ANO1: variants seen among roughly 807,000 people sequenced by gnomAD.
ANO1 encodes anoctamin-1.
Under a neutral mutation model 124.0 loss-of-function variants are expected in ANO1, and 59 were observed. The ratio of observed to expected loss-of-function variants is 0.48; its 90% CI spans 0.39 to 0.59. The LOEUF (loss-of-function observed/expected upper bound fraction) is 0.59. ANO1 is among the 20% of genes least tolerant of loss of function. The probability of loss-of-function intolerance (pLI) is 0.00; values close to 1 mark genes in which losing one functional copy is unlikely to be tolerated. For missense variants in ANO1, 1,059 were observed against 1,328.0 expected (o/e 0.80, Z 3.15); for synonymous variants, 529 against 532.0 (o/e 0.99, Z 0.08).
chr11:70,013,804 A>AAAAGAAAAGAAAAGAAAAG (rs1856645816), intron 1 of ANO1, among the ~76,000 whole-genome samples: 9 of 130,414 alleles, frequency 6.9e-5, no homozygotes, highest in African/African-American at 2.7e-4. Context: ...TCCATCTAAA[A>AAAAGAAAAGAAAAGAAAAG]AAAAGAAAAG....
chr11:70,001,985 A>C (rs762767221), intron 1 of ANO1, among the ~76,000 whole-genome samples: 10 of 152,050 alleles, frequency 6.6e-5, no homozygotes, highest in Non-Finnish European at 1.2e-4. Flanking sequence ...TTTAAATTAC[A>C]GCCATGTGCT....
intron 1 of ANO1, among the ~76,000 whole-genome samples, chr11:70,004,549 T>C (rs1554999799): frequency 6.6e-6 from 1 of 152,198 alleles, no homozygotes; most frequent in Admixed American, 6.5e-5. Flanking sequence ...TCCAGGCCAC[T>C]GTCAGATGGG....
intron 11 of ANO1, among the ~76,000 whole-genome samples, 162 bp downstream of exon 11, chr11:70,132,241 G>A (rs779237249): frequency 2.0e-5 from 3 of 152,172 alleles, no homozygotes; most frequent in Non-Finnish European, 4.4e-5. Flanking sequence ...TTGTGTTCAG[G>A]TTACTGGGGT....
chr11:70,078,954 G>T (rs932020153), intron 1 of ANO1, among the ~76,000 whole-genome samples: 1 of 151,954 alleles, frequency 6.6e-6, no homozygotes, highest in Non-Finnish European at 1.5e-5. Flanking sequence ...TCCGCCCAGC[G>T]CAGCGCCGGG....
chr11:69,966,065 C>CA, the ANO1 span, among the ~76,000 whole-genome samples: 81 of 151,016 alleles, frequency 5.4e-4, 1 homozygote, highest in Middle Eastern at 6.8e-3. Context: ...TGAGAATATC[C>CA]AAAAAAAAAG....
intron 1 of ANO1, among the ~76,000 whole-genome samples, chr11:70,003,821 A>C (rs1254004475): frequency 3.3e-5 from 5 of 152,148 alleles, no homozygotes; most frequent in African/African-American, 9.7e-5. Context: ...AACAGTGAAA[A>C]AGAAATGACC....
At chr11:70,140,083 C>T (rs1416802074) in intron 11 of ANO1, among the ~76,000 whole-genome samples, 1 of 152,234 alleles carries the variant, frequency 6.6e-6, no homozygotes, top group African/African-American at 2.4e-5. Flanking sequence ...AACCCCACAG[C>T]AGACCAAGGC....
chr11:69,978,676 T>C, the ANO1 span, among the ~76,000 whole-genome samples: 3 of 152,182 alleles, frequency 2.0e-5, no homozygotes, highest in African/African-American at 7.2e-5. Flanking sequence ...ATTGTCCTAT[T>C]TGTAAACTAA....
chr11:70,058,406 G>T (rs1248762427), intron 1 of ANO1, among the ~76,000 whole-genome samples: 1 of 152,208 alleles, frequency 6.6e-6, no homozygotes, highest in Non-Finnish European at 1.5e-5. Context: ...AGTAAGTCAA[G>T]GCCTTGGCGG....
Position 70,188,080 on chromosome 11 carries a change from C to G in ANO1, c.*76C>G, listed in dbSNP as rs1048500470. On this transcript the variant is annotated 3_prime_UTR_variant, in exon 26 of 26. Coordinates refer to ENST00000355303, the MANE Select transcript of ANO1 (RefSeq NM_018043.7). Reference sequence around the variant, plus strand: ...CCCTCTCCCAGGGCAGGCGGCTTCCCGCTCCCACCAGGGCCCGGTGGGTCC... The same window carrying G: ...CCCTCTCCCAGGGCAGGCGGCTTCCGGCTCCCACCAGGGCCCGGTGGGTCC... 5 of 1,486,710 alleles carry G rather than the reference C, an allele frequency of 3.4e-6. No individual in the cohort carries two copies. The highest frequency in any genetic ancestry group is 2.4e-4 in the Middle Eastern group (1 of 4,112). 92.1% of individuals were successfully genotyped at this position (1,486,710 alleles called of 1,614,324 possible). A position where few individuals can be genotyped will look rare whatever the true frequency, so the allele number is the denominator to read the frequency against.
chr11:70,006,323 C>T (rs1856481074), intron 1 of ANO1, among the ~76,000 whole-genome samples: 2 of 152,152 alleles, frequency 1.3e-5, no homozygotes, highest in African/African-American at 4.8e-5. Flanking sequence ...ACATTTTATC[C>T]CTCATGGCTT....
rs182387097 is a variant in ANO1, at chr11:70,130,607, A to T, written c.1098-1312A>T. Among the ~76,000 whole-genome samples, 5 of 152,302 alleles carry T rather than the reference A, an allele frequency of 3.3e-5. No individual in the cohort carries two copies. The East Asian group carries it at 9.6e-4, about 29-fold the overall frequency. On this transcript the variant is annotated intron_variant, in intron 10 of 25. Transcript: ENST00000355303. ...AGCCTGGAAGTATTAGTATTTTCTA[A>T]TATTAGTGGGAGTAAGTCAGTGCTG...
Position 70,153,763 on chromosome 11 carries a change from ATGTT to A in ANO1, c.1425+649_1425+652del, listed in dbSNP as rs778777274. On this transcript the variant is annotated intron_variant, in intron 14 of 25. Coordinates refer to ENST00000355303, the MANE Select transcript of ANO1 (RefSeq NM_018043.7). The stretch of plus-strand genomic sequence containing the variant: ...GTGCTTGCCGGCTTTGTTTGTTTGT[ATGTT>A]TGTTTGTTTGTTTTTTGAGACAGAG... 4.0e-4 allele frequency among the ~76,000 whole-genome samples: 60 copies of A among 151,552 alleles called. 1 individual carries two copies. Among genetic ancestry groups the A allele is most frequent in the Admixed American group, 3.0e-3 (45 of 15,238 alleles).
At chr11:70,013,685 C>A (rs185030388) in intron 1 of ANO1, among the ~76,000 whole-genome samples, 1 of 151,952 alleles carries the variant, frequency 6.6e-6, no homozygotes, top group Admixed American at 6.6e-5. Context: ...GCCTCAAGTC[C>A]CAGCTACTCA....
At chr11:70,149,038 C>G (rs1319991334) in intron 11 of ANO1, among the ~76,000 whole-genome samples, 1 of 152,130 alleles carries the variant, frequency 6.6e-6, no homozygotes, top group Non-Finnish European at 1.5e-5. Flanking sequence ...GCAGGCAGAC[C>G]CCTGGGGTGG....
At chr11:69,977,851 C>T in the ANO1 span, among the ~76,000 whole-genome samples, 3 of 152,232 alleles carry the variant, frequency 2.0e-5, no homozygotes, top group Admixed American at 6.5e-5. Flanking sequence ...TTAGCTTCTC[C>T]TTCTCAGATT....
intron 1 of ANO1, among the ~76,000 whole-genome samples, chr11:70,069,332 G>A (rs1857810212): frequency 6.6e-6 from 1 of 152,194 alleles, no homozygotes; most frequent in African/African-American, 2.4e-5. Context: ...CCATCAAACT[G>A]GAAGGAAACA....
intron 1 of ANO1, among the ~76,000 whole-genome samples, chr11:70,055,437 A>G (rs1857419064): frequency 6.6e-6 from 1 of 151,988 alleles, no homozygotes; most frequent in Admixed American, 6.6e-5. Flanking sequence ...TTTTATCTCT[A>G]GTAAAATTTC....
chr11:70,006,567 C>T lies in ANO1; in HGVS notation c.58+20401C>T, dbSNP rs1262098132. On this transcript the variant is annotated intron_variant, in intron 1 of 27. Transcript: ENST00000531349. Reference sequence around the variant, plus strand: ...CTTTCTTCCTTTCTTTCTTTCTTTTCTTTCTTTCTTTCTTACTTACTTTCT... The same window carrying T: ...CTTTCTTCCTTTCTTTCTTTCTTTTTTTTCTTTCTTTCTTACTTACTTTCT... 1.4e-4 allele frequency among the ~76,000 whole-genome samples: 13 copies of T among 94,396 alleles called. No homozygotes were observed. In the East Asian group the frequency reaches 7.3e-3, roughly 53 times the overall value. The allele number at this position is 94,396 out of a possible 152,430, so 61.9% of individuals were successfully genotyped here. A position where few individuals can be genotyped will look rare whatever the true frequency, so the allele number is the denominator to read the frequency against.
Sources: gnomAD v4.1 joint callset for allele counts (sites outside exome capture counted in the v4.1 genomes callset) on GRCh38, gnomAD v4.1.1 for gene constraint, MANE v1.5 for transcripts, NCBI Gene and HGNC (gene_info 2026-07-23, HGNC 2026-07-21) for gene names.